Variants in JAM2 observed in about 807,000 individuals in gnomAD.
The protein encoded by JAM2 is junctional adhesion molecule B.
JAM2 carries 17 observed loss-of-function variants against 42.0 expected under a neutral mutation model. That is an observed-to-expected ratio of 0.40 (90% CI 0.28 to 0.61). The LOEUF (loss-of-function observed/expected upper bound fraction) is 0.61. Among genes scored for constraint, JAM2 ranks in the 20% least tolerant of loss-of-function variants. JAM2 has a pLI of 0.37. For missense variants in JAM2, 319 were observed against 358.3 expected, an observed-to-expected ratio of 0.89 and a Z score of 0.89; for synonymous variants, 118 against 128.6, an observed-to-expected ratio of 0.92 and a Z score of 0.56.
intron 1 of JAM2, among the ~76,000 whole-genome samples, chr21:25,657,062 C>T (rs1268351340): frequency 6.6e-6 from 1 of 152,114 alleles, no homozygotes; most frequent in African/African-American, 2.4e-5. Flanking sequence ...ATATTGAATA[C>T]AAATGTTTCT....
intron 6 of JAM2, among the ~76,000 whole-genome samples, chr21:25,704,502 T>A (rs1175389848): frequency 1.3e-5 from 2 of 152,222 alleles, no homozygotes; most frequent in African/African-American, 4.8e-5. Flanking sequence ...TCTAAAAAGA[T>A]CATTTCCAAA....
chr21:25,657,428 C>G (rs2829850), intron 1 of JAM2, among the ~76,000 whole-genome samples: 60,847 of 152,066 alleles, frequency 0.4, 14,100 homozygotes, highest in East Asian at 0.64. Context: ...TTTTTAAACT[C>G]ATTAATTTTA....
At chr21:25,686,076 C>T (rs892787100) in intron 2 of JAM2, among the ~76,000 whole-genome samples, 11 of 152,174 alleles carry the variant, frequency 7.2e-5, no homozygotes, top group Admixed American at 6.5e-4. Context: ...TTGACACATT[C>T]ACAGTTTTGT....
At chr21:25,702,098 G>A (rs1344367900) in intron 5 of JAM2, 72 bp from the exon 6 acceptor site, 3 of 727,248 alleles carry the variant, frequency 4.1e-6, no homozygotes, top group African/African-American at 3.5e-5. Context: ...AAAATTTGAG[G>A]GACAGGGTTA....
chr21:25,660,661 G>A (rs1168468161), intron 1 of JAM2, among the ~76,000 whole-genome samples: 2 of 147,922 alleles, frequency 1.4e-5, no homozygotes, highest in Non-Finnish European at 3.0e-5. Context: ...AGCTTATACT[G>A]TAACTTACAC....
intron 1 of JAM2, among the ~76,000 whole-genome samples, chr21:25,671,064 A>T (rs2033348832): frequency 6.6e-6 from 1 of 152,236 alleles, no homozygotes; most frequent in African/African-American, 2.4e-5. Flanking sequence ...AATAAAATTC[A>T]CACAGCTCTC....
chr21:25,693,888 C>G lies in JAM2; in HGVS notation c.374C>G (p.Thr125Arg). Residue 125 changes from threonine (T) to arginine (R), a missense_variant, in exon 4 of 10, where the codon ACA becomes AGA. Thr to Arg is a moderately conservative substitution (Grantham distance 71, BLOSUM62 -1). Coordinates refer to ENST00000480456, the MANE Select transcript of JAM2 (RefSeq NM_021219.4). ...SEQGQNLEED[T>R]VTLEVLVAPA... is the part of the protein sequence containing the mutation. ...CAAGGCCAAAACCTGGAAGAGGATA[C>G]AGTCACTCTGGAAGTATTAGGTGAT... 1.9e-6 allele frequency: 3 copies of G among 1,614,126 alleles called. No homozygotes were observed. Among genetic ancestry groups the G allele is most frequent in the Non-Finnish European group, 2.5e-6 (3 of 1,179,996 alleles).
intron 7 of JAM2, 76 bp from the exon 8 acceptor site, chr21:25,709,358 C>G (rs1362327608): frequency 1.3e-5 from 10 of 777,342 alleles, no homozygotes; most frequent in Non-Finnish European, 1.9e-5. Flanking sequence ...AAATTAAACC[C>G]AAACTCATTT....
intron 1 of JAM2, among the ~76,000 whole-genome samples, chr21:25,673,636 T>A (rs1224844580): frequency 6.6e-6 from 1 of 152,194 alleles, no homozygotes; most frequent in East Asian, 1.9e-4. Context: ...TGTCTGGAGC[T>A]ACTTTCTCAT....
intron 1 of JAM2, among the ~76,000 whole-genome samples, chr21:25,669,964 A>G (rs746679466): frequency 6.6e-6 from 1 of 152,192 alleles, no homozygotes; most frequent in South Asian, 2.1e-4. Context: ...CAGTTCTGAT[A>G]CCACCTTATT....
chr21:25,654,659 A>AT (rs987423789), intron 1 of JAM2, among the ~76,000 whole-genome samples: 1 of 151,658 alleles, frequency 6.6e-6, no homozygotes, highest in African/African-American at 2.4e-5. Context: ...AAAAAAAAAA[A>AT]AAAAAAAAAA....
chr21:25,651,603 A>G (rs2032783893), intron 1 of JAM2, among the ~76,000 whole-genome samples: 1 of 152,230 alleles, frequency 6.6e-6, no homozygotes, highest in African/African-American at 2.4e-5. Flanking sequence ...CCTTTGACCC[A>G]TCAACCCCGT....
intron 1 of JAM2, among the ~76,000 whole-genome samples, chr21:25,645,461 G>T (rs907348328): frequency 6.6e-6 from 1 of 152,136 alleles, no homozygotes; most frequent in African/African-American, 2.4e-5. Flanking sequence ...ATTTTAAAGA[G>T]AATGCATTGG....
intron 1 of JAM2, among the ~76,000 whole-genome samples, chr21:25,648,983 C>T (rs933976082): frequency 6.6e-6 from 1 of 152,192 alleles, no homozygotes; most frequent in African/African-American, 2.4e-5. Flanking sequence ...TATTACTGCT[C>T]CTAAAACTCC....
chr21:25,678,585 C>T (rs559044643), intron 1 of JAM2, among the ~76,000 whole-genome samples: 1 of 152,308 alleles, frequency 6.6e-6, no homozygotes, highest in East Asian at 1.9e-4. Context: ...GTGGACTTGA[C>T]ACCTCTCTAA....
At chr21:25,641,451 G>T (rs1022421805) in intron 1 of JAM2, among the ~76,000 whole-genome samples, 10 of 152,156 alleles carry the variant, frequency 6.6e-5, no homozygotes, top group Non-Finnish European at 1.5e-4. Context: ...ACCTCTTCAA[G>T]CTTTAGGTAA....
intron 2 of JAM2, among the ~76,000 whole-genome samples, chr21:25,688,545 T>A (rs1426723656): frequency 6.6e-6 from 1 of 152,202 alleles, no homozygotes; most frequent in African/African-American, 2.4e-5. Context: ...TTAGCACACG[T>A]TTGTCTTTGT....
chr21:25,714,768 C>A lies in JAM2; in HGVS notation c.*96C>A. On this transcript the variant is annotated 3_prime_UTR_variant, in exon 10 of 10. Transcript: ENST00000480456. ...TTTGTCCGACATTTGCAAAGAGGTA[C>A]ACGAGGAAATGGAATTGGTATTTCA... 1 of 774,512 alleles carries A rather than the reference C, an allele frequency of 1.3e-6. No homozygotes were observed. The allele number at this position is 774,512 out of a possible 1,614,324, so 48.0% of individuals were successfully genotyped here.
At chr21:25,670,644 G>T (rs1013867963) in intron 1 of JAM2, among the ~76,000 whole-genome samples, 1 of 152,110 alleles carries the variant, frequency 6.6e-6, no homozygotes, top group African/African-American at 2.4e-5. Flanking sequence ...TCCTAAAAAA[G>T]TGCGTGTTGG....
Sources: gnomAD v4.1 joint callset for allele counts (sites outside exome capture counted in the v4.1 genomes callset) on GRCh38, gnomAD v4.1.1 for gene constraint, MANE v1.5 for transcripts, NCBI Gene and HGNC (gene_info 2026-07-23, HGNC 2026-07-21) for gene names.